ZNF556: variants seen among roughly 807,000 people sequenced by gnomAD.
The protein encoded by ZNF556 is zinc finger protein 556.
In ZNF556, 11 loss-of-function variants were observed where a neutral mutation model predicts 13.6. The ratio of observed to expected loss-of-function variants is 0.81; its 90% CI spans 0.51 to 1.33. ZNF556 has a LOEUF of 1.33. Ranked by LOEUF, ZNF556 falls within the 40% of genes most tolerant of loss-of-function variation. The pLI, the probability that ZNF556 is intolerant of heterozygous loss-of-function variation, is 0.00. For missense variants in ZNF556, 633 were observed against 566.2 expected (o/e 1.12, Z -1.20); for synonymous variants, 229 against 207.8 (o/e 1.10, Z -0.88).
intron 1 of ZNF556, among the ~76,000 whole-genome samples, chr19:2,872,868 C>T (rs1489618673): frequency 6.6e-6 from 1 of 150,880 alleles, no homozygotes; most frequent in Non-Finnish European, 1.5e-5. Flanking sequence ...TGTGGTGGCT[C>T]ACGCCTGTAA....
At position 2,878,297 on chromosome 19, in the gene ZNF556, C is replaced by G; in HGVS notation, c.1339C>G (p.His447Asp). ...PKAFQGHVRSHTGKKSCTSK is the reference protein window; with the variant it reads ...PKAFQGHVRSDTGKKSCTSK ...AGCCTTTCAAGGTCATGTGAGAAGT[C>G]ACACAGGAAAGAAATCCTGTACATC... The change falls in exon 4 of 4, where the codon CAC becomes GAC. Residue 447 changes from histidine to aspartate, a missense_variant. Coordinates refer to ENST00000307635, the MANE Select transcript of ZNF556 (RefSeq NM_024967.3). 6.2e-7 allele frequency: 1 copy of G among 1,613,918 alleles called. No homozygotes were observed. Among genetic ancestry groups the G allele is most frequent in the Non-Finnish European group, 8.5e-7 (1 of 1,179,978 alleles).
intron 1 of ZNF556, among the ~76,000 whole-genome samples, chr19:2,867,734 A>AC (rs1291306319): frequency 1.3e-5 from 2 of 150,830 alleles, no homozygotes; most frequent in Non-Finnish European, 3.0e-5. Flanking sequence ...CAAAAAAAAA[A>AC]AAAACCTCAC....
chr19:2,877,326 G>A lies in ZNF556; in HGVS notation c.368G>A (p.Gly123Glu). The change falls in exon 4 of 4, where the codon GGA becomes GAA. Residue 123 changes from glycine (G) to glutamate (E), a missense_variant. Coordinates refer to ENST00000307635, the MANE Select transcript of ZNF556 (RefSeq NM_024967.3). ...AAAAGCAGTAAAGGTAATAAACGTGGAAGAACCTTCAGAAAGACTCGAAAT... is the reference window on the plus strand; with the variant it reads ...AAAAGCAGTAAAGGTAATAAACGTGAAAGAACCTTCAGAAAGACTCGAAAT... ...PCKSSKGNKRGRTFRKTRNCN... is the reference protein window; with the variant it reads ...PCKSSKGNKRERTFRKTRNCN... The A allele has an allele frequency of 1.2e-6, 2 of 1,614,158 alleles. No individual in the cohort carries two copies. The highest frequency in any genetic ancestry group is 1.7e-6 in the Non-Finnish European group (2 of 1,180,008).
rs150364164 is a variant in ZNF556 at position 2,874,610 on chromosome 19, G to A, written c.130+988G>A. ...ATACAAAAAATTAGCCAGGTGTGGCGGAGGGCACCTTTAGTCCCAGCTACT... is the reference window on the plus strand; with the variant it reads ...ATACAAAAAATTAGCCAGGTGTGGCAGAGGGCACCTTTAGTCCCAGCTACT... On this transcript the variant is annotated intron_variant, in intron 2 of 3. Transcript: ENST00000307635. 1.7e-4 allele frequency among the ~76,000 whole-genome samples: 26 copies of A among 151,796 alleles called. No individual in the cohort carries two copies. In the East Asian group the frequency reaches 2.9e-3, roughly 17 times the overall value.
At chr19:2,868,618 T>C (rs1251799580) in intron 1 of ZNF556, among the ~76,000 whole-genome samples, 1 of 152,114 alleles carries the variant, frequency 6.6e-6, no homozygotes, top group East Asian at 1.9e-4. Flanking sequence ...GGTTTTACCA[T>C]GTTGGCCAAG....
Position 2,877,595 on chromosome 19 carries a change from C to A in ZNF556, c.637C>A (p.Leu213Ile), listed in dbSNP as rs867693230. The A allele has an allele frequency of 6.2e-7, 1 of 1,614,176 alleles. No individual in the cohort carries two copies. Among genetic ancestry groups the A allele is most frequent in the Non-Finnish European group, 8.5e-7 (1 of 1,180,038 alleles). Residue 213 changes from leucine (L) to isoleucine (I), a missense_variant, in exon 4 of 4, where the codon CTT becomes ATT. Physicochemically the swap from Leu to Ile is conservative, Grantham distance 5. Transcript: ENST00000307635. ...CTGTCAATCTTGCGGGAAGACATTT[C>A]TTCGTTCCCACTCTCTCACTGAACA... ...YACQSCGKTF[L>I]RSHSLTEHVR...
At chr19:2,876,048 T>C (rs1180690797) in intron 2 of ZNF556, 45 bp from the exon 3 acceptor site, 5 of 1,532,126 alleles carry the variant, frequency 3.3e-6, no homozygotes, top group Non-Finnish European at 3.5e-6. Context: ...ACTTCTTTCT[T>C]TGCAGATGCC....
intron 1 of ZNF556, among the ~76,000 whole-genome samples, chr19:2,869,726 C>T (rs1428363308): frequency 1.3e-5 from 2 of 152,192 alleles, no homozygotes; most frequent in East Asian, 3.8e-4. Context: ...AGCTGACACG[C>T]CTACTTCTCA....
At chr19:2,868,782 G>A (rs978524592) in intron 1 of ZNF556, among the ~76,000 whole-genome samples, 6 of 150,242 alleles carry the variant, frequency 4.0e-5, no homozygotes, top group South Asian at 2.1e-4. Flanking sequence ...GCAATGGCGC[G>A]ATCTCTGCTT....
chr19:2,871,947 C>T (rs1271324333), intron 1 of ZNF556, among the ~76,000 whole-genome samples: 2 of 152,164 alleles, frequency 1.3e-5, no homozygotes, highest in Admixed American at 6.5e-5. Context: ...GGGGCCCTTC[C>T]CTGCGTGGCA....
intron 3 of ZNF556, 82 bp from the exon 4 acceptor site, chr19:2,877,190 AC>A (rs2087859251): frequency 8.4e-7 from 1 of 1,186,344 alleles, no homozygotes; most frequent in African/African-American, 1.6e-5. Context: ...AGCCTGGGGA[AC>A]AAGAGCAAAA....
Position 2,876,101 on chromosome 19 carries a change from G to A in ZNF556, c.139G>A (p.Ala47Thr), listed in dbSNP as rs772300879. 1.2e-6 allele frequency: 2 copies of A among 1,603,876 alleles called. No individual in the cohort carries two copies. The highest frequency in any genetic ancestry group is 2.3e-5 in the South Asian group (2 of 88,100). The change falls in exon 3 of 4, where the codon GCT becomes ACT. Residue 47 changes from alanine (A) to threonine (T), a missense_variant. Ala to Thr is a moderately conservative substitution (Grantham distance 58). Coordinates refer to ENST00000307635, the MANE Select transcript of ZNF556 (RefSeq NM_024967.3). ...TCACTTTTTTGTTTCAGATAATGAG[G>A]CTCAGCTTAAAGCCAGTGGGTCTAT... The part of the protein sequence containing the change: ...FKHLASVDNE[A>T]QLKASGSISQ...
chr19:2,867,358 G>A lies in ZNF556; in HGVS notation c.-64G>A. On this transcript the variant is annotated 5_prime_UTR_variant, in exon 1 of 4. It adds an upstream start codon to the 5' untranslated region. Coordinates refer to ENST00000307635, the MANE Select transcript of ZNF556 (RefSeq NM_024967.3). ...CTGAGTGACCACAGGTGTCCCCGTC[G>A]TGCTCACCTGCACCGGCTGCGAGGA... 10 of 1,560,746 alleles carry A rather than the reference G, an allele frequency of 6.4e-6. No homozygotes were observed. The highest frequency in any genetic ancestry group is 2.4e-5 in the South Asian group (2 of 84,712).
In ZNF556 at chr19:2,882,226, G is replaced by C. The variant is rs1248341464; in HGVS notation, c.*3897G>C. On this transcript the variant is annotated 3_prime_UTR_variant, in exon 4 of 4. Transcript: ENST00000307635. ...GTGGATCACGAGGTCAGGAGATCAAGACCATCCTGGCTAACCCGGTGAAAC... is the reference window on the plus strand; with the variant it reads ...GTGGATCACGAGGTCAGGAGATCAACACCATCCTGGCTAACCCGGTGAAAC... 6.6e-6 allele frequency: 1 copy of C among 152,106 alleles called. No individual in the cohort carries two copies. The highest frequency in any genetic ancestry group is 1.5e-5 in the Non-Finnish European group (1 of 68,054). The allele number at this position is 152,106 out of a possible 1,614,324, so 9.4% of individuals were successfully genotyped here.
chr19:2,876,688 C>G (rs758996066), intron 3 of ZNF556, among the ~76,000 whole-genome samples: 2 of 151,680 alleles, frequency 1.3e-5, no homozygotes, highest in Non-Finnish European at 2.9e-5. Flanking sequence ...GCACTCCAGC[C>G]TGGGCTGGGC....
At position 2,883,398 on chromosome 19, in the gene ZNF556, G is replaced by T. The variant is rs2144900811; in HGVS notation, c.*5069G>T. Reference sequence around the variant, plus strand: ...TAGACTTCCAGCAGCTATTAGAAGAGAAAAATATGTAACAGCTTTGTGTTT... The same window carrying T: ...TAGACTTCCAGCAGCTATTAGAAGATAAAAATATGTAACAGCTTTGTGTTT... On this transcript the variant is annotated 3_prime_UTR_variant, in exon 4 of 4. Coordinates refer to ENST00000307635, the MANE Select transcript of ZNF556 (RefSeq NM_024967.3). The T allele has an allele frequency of 6.6e-6, 1 of 152,220 alleles. No individual in the cohort carries two copies. Among genetic ancestry groups the T allele is most frequent in the South Asian group, 2.1e-4 (1 of 4,820 alleles). The allele number at this position is 152,220 out of a possible 1,614,324, so 9.4% of individuals were successfully genotyped here. A position where few individuals can be genotyped will look rare whatever the true frequency, so the allele number is the denominator to read the frequency against.
intron 1 of ZNF556, among the ~76,000 whole-genome samples, chr19:2,870,909 T>C (rs1341032279): frequency 7.0e-6 from 1 of 142,982 alleles, no homozygotes; most frequent in Non-Finnish European, 1.5e-5. Flanking sequence ...CATGGTGATG[T>C]GTGCCTGTAA....
At chr19:2,872,685 G>T (rs1415909808) in intron 1 of ZNF556, among the ~76,000 whole-genome samples, 2 of 151,992 alleles carry the variant, frequency 1.3e-5, no homozygotes, top group Non-Finnish European at 2.9e-5. Flanking sequence ...CAGGTGTGGT[G>T]GCGGGCACCT....
rs914127605 is a variant in ZNF556 at position 2,879,888 on chromosome 19, G to A, written c.*1559G>A. The A allele has an allele frequency of 3.3e-5, 5 of 151,890 alleles. No homozygotes were observed. The highest frequency in any genetic ancestry group is 1.2e-4 in the African/African-American group (5 of 41,384). The allele number at this position is 151,890 out of a possible 1,614,324, so 9.4% of individuals were successfully genotyped here. A position where few individuals can be genotyped will look rare whatever the true frequency, so the allele number is the denominator to read the frequency against. On this transcript the variant is annotated 3_prime_UTR_variant, in exon 4 of 4. Coordinates refer to ENST00000307635, the MANE Select transcript of ZNF556 (RefSeq NM_024967.3). The stretch of plus-strand genomic sequence containing the variant: ...TACTAAAAATACAAAAAATTAGCCA[G>A]GTGTGGTGGCGGGCGCCTGTAGTCC...
Sources: gnomAD v4.1 joint callset for allele counts (sites outside exome capture counted in the v4.1 genomes callset) on GRCh38, gnomAD v4.1.1 for gene constraint, MANE v1.5 for transcripts, NCBI Gene and HGNC (gene_info 2026-07-23, HGNC 2026-07-21) for gene names.